Variants in METTL2B observed in about 807,000 individuals in gnomAD.
METTL2B encodes the protein methyltransferase 2B, tRNA N3-cytidine.
A neutral mutation model predicts 51.0 loss-of-function variants in METTL2B; 28 were observed. The observed-to-expected ratio is 0.55, with a 90% CI of 0.41 to 0.75. The LOEUF is 0.75. Among genes scored for constraint, METTL2B ranks in the 30% least tolerant of loss-of-function variants. The pLI is 0.00. For synonymous variants in METTL2B, 128 were observed against 166.3 expected, an observed-to-expected ratio of 0.77 and a Z score of 1.77; for missense variants, 313 against 460.7, an observed-to-expected ratio of 0.68 and a Z score of 2.93.
chr7:128,487,578 T>C (rs1047593751), intron 4 of METTL2B, among the ~76,000 whole-genome samples: 3 of 152,180 alleles, frequency 2.0e-5, no homozygotes, highest in African/African-American at 7.2e-5. Context: ...GCACAGGGAT[T>C]TTGTGGTGTT....
At chr7:128,500,856 AAG>A (rs1325634126) in intron 7 of METTL2B, 45 bp from the exon 8 acceptor site, 2 of 1,605,826 alleles carry the variant, frequency 1.2e-6, no homozygotes, top group Admixed American at 3.4e-5. Context: ...GTGCAAGTCA[AAG>A]AGACACTTTA....
In METTL2B at chr7:128,498,021, C is replaced by T. The variant is rs767045979; in HGVS notation, c.810-15C>T. The T allele has an allele frequency of 2.5e-6, 4 of 1,612,734 alleles. No homozygotes were observed. In the East Asian group the frequency reaches 8.9e-5, roughly 36 times the overall value. ...AAGGAGACCTGATTAACTATAATTC[C>T]CTGTGTCTCCACAGGATGCAGAAGG... On this transcript the variant is annotated splice_polypyrimidine_tract_variant and intron_variant, in intron 6 of 8. Coordinates refer to ENST00000262432, the MANE Select transcript of METTL2B (RefSeq NM_018396.3).
chr7:128,500,008 T>G (rs1202738146), intron 7 of METTL2B, among the ~76,000 whole-genome samples: 1 of 152,174 alleles, frequency 6.6e-6, no homozygotes, highest in Non-Finnish European at 1.5e-5. Flanking sequence ...ATTTCTGTTG[T>G]GTATTCAGTG....
At chr7:128,492,676 G>A (rs190681862) in intron 5 of METTL2B, among the ~76,000 whole-genome samples, 2,368 of 152,000 alleles carry the variant, frequency 0.016, 30 homozygotes, top group South Asian at 0.055. Context: ...GAGTGCAGTG[G>A]TGCGATCTCG....
intron 2 of METTL2B, among the ~76,000 whole-genome samples, chr7:128,477,721 T>G (rs867336328): frequency 1.1e-4 from 17 of 151,632 alleles, no homozygotes; most frequent in African/African-American, 3.6e-4. Context: ...CTTGAGAGGT[T>G]GATGATTTCA....
chr7:128,484,232 T>TTTTTTTTTTGTTTTTTTTTTTTTTTTTG (rs1554428850), intron 4 of METTL2B: 1 of 83,558 alleles, frequency 1.2e-5, no homozygotes, highest in African/African-American at 5.0e-5. Flanking sequence ...TTTTTTTTTT[T>TTTTTTTTTTGTTTTTTTTTTTTTTTTTG]TTTTTTTTTT....
At chr7:128,481,869 T>A (rs1043194900) in intron 4 of METTL2B, among the ~76,000 whole-genome samples, 1 of 152,210 alleles carries the variant, frequency 6.6e-6, no homozygotes, top group Non-Finnish European at 1.5e-5. Flanking sequence ...GGTCTCAAAC[T>A]CCTGGCTCAA....
At chr7:128,482,105 C>T (rs1799879156) in intron 4 of METTL2B, among the ~76,000 whole-genome samples, 1 of 152,166 alleles carries the variant, frequency 6.6e-6, no homozygotes. Context: ...GTGTTGGCCC[C>T]ACCCCAGGTC....
chr7:128,499,953 G>C (rs761766276), intron 7 of METTL2B, among the ~76,000 whole-genome samples: 1 of 152,188 alleles, frequency 6.6e-6, no homozygotes, highest in Non-Finnish European at 1.5e-5. Flanking sequence ...GGGAGATGTC[G>C]TGCTTGTCAC....
chr7:128,499,720 C>A (rs1475975653), intron 7 of METTL2B, among the ~76,000 whole-genome samples: 2 of 150,478 alleles, frequency 1.3e-5, no homozygotes, highest in Non-Finnish European at 3.0e-5. Flanking sequence ...AGGGTTTCAC[C>A]ATGTTGGTCA....
In METTL2B at chr7:128,477,790, G is replaced by A. The variant is rs183125950; in HGVS notation, c.202+617G>A. The stretch of plus-strand genomic sequence containing the variant: ...TGATTGTTCCAGACAATTGAAGATA[G>A]CACTACAAATTTAGTACCTGCTGAA... On this transcript the variant is annotated intron_variant, in intron 2 of 8. Transcript: ENST00000262432. Among the ~76,000 whole-genome samples the A allele has an allele frequency of 4.6e-5, 7 of 151,512 alleles. No individual in the cohort carries two copies. The East Asian group carries it at 1.4e-3, about 29-fold the overall frequency.
At chr7:128,485,634 C>T (rs1792687650) in intron 4 of METTL2B, among the ~76,000 whole-genome samples, 1 of 150,242 alleles carries the variant, frequency 6.7e-6, no homozygotes. Context: ...CCACTGCACT[C>T]CAGCCTGGGC....
In METTL2B at chr7:128,479,127, GTTCTTAAAATTTT is replaced by G; in HGVS notation, c.203-22_203-10del. 1 of 1,559,528 alleles carries G rather than the reference GTTCTTAAAATTTT, an allele frequency of 6.4e-7. No homozygotes were observed. Among genetic ancestry groups the G allele is most frequent in the Non-Finnish European group, 8.7e-7 (1 of 1,149,030 alleles). On this transcript the variant is annotated intron_variant, in intron 2 of 8. Transcript: ENST00000262432. ...ATATAAATAAAATATTTGAGAGCTG[GTTCTTAAAATTTT>G]TTCTTAAATATTTACAGTTGATTAT...
chr7:128,488,284 A>C, intron 5 of METTL2B, 123 bp downstream of exon 5: 1 of 1,127,620 alleles, frequency 8.9e-7, no homozygotes, highest in Non-Finnish European at 1.3e-6. Context: ...CTAAAAGTAA[A>C]AGATTTACTG....
chr7:128,477,932 A>G (rs936890371), intron 2 of METTL2B: 6 of 446,712 alleles, frequency 1.3e-5, no homozygotes, highest in Non-Finnish European at 2.3e-5. Context: ...ATGTGGTTCA[A>G]TATTCTCTTT....
chr7:128,487,575 G>A (rs994627680), intron 4 of METTL2B, among the ~76,000 whole-genome samples: 3 of 152,212 alleles, frequency 2.0e-5, no homozygotes, highest in Admixed American at 2.0e-4. Context: ...TAAGCACAGG[G>A]ATTTTGTGGT....
intron 4 of METTL2B, among the ~76,000 whole-genome samples, chr7:128,484,422 C>T (rs976281483): frequency 1.1e-4 from 17 of 151,142 alleles, no homozygotes; most frequent in African/African-American, 3.4e-4. Context: ...TGGGGTTTTG[C>T]CATGTTGCCC....
Position 128,498,037 on chromosome 7 carries a change from A to T in METTL2B, c.811A>T (p.Met271Leu). 6.2e-7 allele frequency: 1 copy of T among 1,613,656 alleles called. No homozygotes were observed. The highest frequency in any genetic ancestry group is 8.5e-7 in the Non-Finnish European group (1 of 1,179,706). The change falls in exon 7 of 9, where the codon ATG becomes TTG. Residue 271 changes from methionine (M) to leucine (L), a missense_variant and splice_region_variant. Coordinates refer to ENST00000262432, the MANE Select transcript of METTL2B (RefSeq NM_018396.3). ...CTATAATTCCCTGTGTCTCCACAGG[A>T]TGCAGAAGGCTATCAACAGGCTGAG... ...FVLSAVVPDK[M>L]QKAINRLSRL...
chr7:128,477,206 A>C (rs761057321), intron 2 of METTL2B, 33 bp downstream of exon 2: 1 of 1,613,318 alleles, frequency 6.2e-7, no homozygotes, highest in South Asian at 1.1e-5. Flanking sequence ...TGGTATCAAC[A>C]GCCAGCGTAC....
Sources: gnomAD v4.1 joint callset for allele counts (sites outside exome capture counted in the v4.1 genomes callset) on GRCh38, gnomAD v4.1.1 for gene constraint, MANE v1.5 for transcripts, NCBI Gene and HGNC (gene_info 2026-07-23, HGNC 2026-07-21) for gene names.